The following ATIC variants were observed in gnomAD, a reference collection of about 807,000 sequenced individuals.
ATIC encodes the protein bifunctional purine biosynthesis protein ATIC.
A neutral mutation model predicts 72.5 loss-of-function variants in ATIC; 64 were observed. The observed-to-expected ratio is 0.88, with a 90% CI of 0.72 to 1.09. The LOEUF (loss-of-function observed/expected upper bound fraction) is 1.09, where lower values mean the gene tolerates loss of function less well. Ranked by LOEUF, ATIC falls within the 50% of genes least tolerant of loss-of-function variation. ATIC has a pLI of 0.00. For missense variants in ATIC, 787 were observed against 732.4 expected, an observed-to-expected ratio of 1.07 and a Z score of -0.86; for synonymous variants, 281 against 267.1, an observed-to-expected ratio of 1.05 and a Z score of -0.51.
chr2:215,333,438 G>C lies in ATIC; in HGVS notation c.903G>C (p.Ala301=), dbSNP rs372300174. ...ATAAAACCCTCACACCCATCTCAGCGGCATATGCAAGAGCAAGAGGTCAGA... is the reference window on the plus strand; with the variant it reads ...ATAAAACCCTCACACCCATCTCAGCCGCATATGCAAGAGCAAGAGGTCAGA... ...DLYKTLTPIS[A]AYARARGADR... The change falls in exon 9 of 16, where the codon GCG becomes GCC. Residue 301 remains alanine (A), a synonymous_variant. Transcript: ENST00000236959. 12 of 1,613,872 alleles carry C rather than the reference G, an allele frequency of 7.4e-6. No homozygotes were observed. The highest frequency in any genetic ancestry group is 1.0e-5 in the Non-Finnish European group (12 of 1,179,976).
intron 4 of ATIC, among the ~76,000 whole-genome samples, chr2:215,321,295 T>C (rs182026608): frequency 3.3e-5 from 5 of 152,334 alleles, no homozygotes; most frequent in African/African-American, 9.6e-5. Flanking sequence ...ATCCATGTTA[T>C]AGCATAGTAT....
intron 11 of ATIC, among the ~76,000 whole-genome samples, chr2:215,337,288 T>C (rs2052966813): frequency 6.6e-6 from 1 of 152,214 alleles, no homozygotes; most frequent in Non-Finnish European, 1.5e-5. Context: ...TTCTTTTGAT[T>C]GTAAGATACC....
downstream of ATIC, chr2:215,349,840 A>C (rs1432698700): frequency 9.2e-7 from 1 of 1,090,384 alleles, no homozygotes; most frequent in East Asian, 2.6e-5. Context: ...ATAACACATA[A>C]ATGAGGAATT....
At position 215,338,793 on chromosome 2, in the gene ATIC, C is replaced by G. The variant is rs758947431; in HGVS notation, c.1113C>G (p.Tyr371Ter). ...NYCVLQMDQS[Y>*]KPDENEVRTL... is the part of the protein sequence containing the mutation. ...TTGTATTTTAGATGGACCAATCTTACAAACCAGATGAAAATGAAGTTCGAA... is the reference window on the plus strand; with the variant it reads ...TTGTATTTTAGATGGACCAATCTTAGAAACCAGATGAAAATGAAGTTCGAA... The change falls in exon 12 of 16, where the codon TAC (tyrosine) becomes TAG (stop). Residue 371 changes from tyrosine to a stop codon, truncating the protein, a stop_gained. Coordinates refer to ENST00000236959, the MANE Select transcript of ATIC (RefSeq NM_004044.7). LOFTEE classifies it high-confidence loss of function. The G allele has an allele frequency of 1.2e-6, 2 of 1,613,606 alleles. No homozygotes were observed. The highest frequency in any genetic ancestry group is 1.1e-5 in the South Asian group (1 of 91,056).
At chr2:215,365,870 A>G in the ATIC span, 90 of 205,156 alleles carry the variant, frequency 4.4e-4, 1 homozygote, top group African/African-American at 2.1e-3. Context: ...AAGTGGTGCA[A>G]TCTCGGCTCA....
intron 4 of ATIC, among the ~76,000 whole-genome samples, chr2:215,324,469 G>C (rs986288598): frequency 1.3e-5 from 2 of 152,168 alleles, no homozygotes; most frequent in African/African-American, 2.4e-5. Flanking sequence ...AGAGATACTG[G>C]TCTCTAGTTT....
At chr2:215,365,731 G>T in the ATIC span, 1 of 1,066,354 alleles carries the variant, frequency 9.4e-7, no homozygotes, top group Non-Finnish European at 1.4e-6. Context: ...TCAGAACCAT[G>T]ATCTGGAAAA....
chr2:215,361,811 C>G, the ATIC span: 31 of 611,820 alleles, frequency 5.1e-5, no homozygotes, highest in Admixed American at 1.8e-3. Context: ...TAAATTATAA[C>G]TTAAACTATA....
At chr2:215,322,642 T>C (rs970296597) in intron 4 of ATIC, among the ~76,000 whole-genome samples, 2 of 152,152 alleles carry the variant, frequency 1.3e-5, no homozygotes, top group African/African-American at 4.8e-5. Context: ...TGTGTACATT[T>C]CTTTTAAGAG....
At position 215,326,941 on chromosome 2, in the gene ATIC, C is replaced by T. The variant is rs1186495697; in HGVS notation, c.651C>T (p.Ala217=). The change falls in exon 7 of 16, where the codon GCC becomes GCT. Residue 217 remains alanine (A), a synonymous_variant. Transcript: ENST00000236959. ...RYGMNPHQTP[A]QLYTLQPKLP... is the part of the protein sequence containing the mutation. ...GAATGAACCCACATCAGACCCCTGC[C>T]CAGCTGTACACACTGCAGCCCAAGC... 6.2e-7 allele frequency: 1 copy of T among 1,614,018 alleles called. No individual in the cohort carries two copies. Among genetic ancestry groups the T allele is most frequent in the Non-Finnish European group, 8.5e-7 (1 of 1,180,044 alleles).
intron 7 of ATIC, among the ~76,000 whole-genome samples, chr2:215,328,460 G>C (rs983897776): frequency 2.4e-4 from 36 of 151,822 alleles, no homozygotes; most frequent in Admixed American, 2.4e-3. Flanking sequence ...TAGCCCCTCC[G>C]CCCTGTGCCT....
At chr2:215,349,825 G>GACACATA, downstream of ATIC, 1 of 1,194,536 alleles carries the variant, frequency 8.4e-7, no homozygotes, top group Non-Finnish European at 1.2e-6. Flanking sequence ...ACTGACACAT[G>GACACATA]ACACATAACA....
intron 8 of ATIC, 118 bp downstream of exon 8, chr2:215,332,625 A>G: frequency 7.7e-7 from 1 of 1,296,142 alleles, no homozygotes; most frequent in Non-Finnish European, 1.1e-6. Context: ...TCTGAAAGTC[A>G]TCTGTTGATA....
chr2:215,336,837 C>G (rs2052960162), intron 11 of ATIC, among the ~76,000 whole-genome samples: 1 of 152,102 alleles, frequency 6.6e-6, no homozygotes, highest in Non-Finnish European at 1.5e-5. Flanking sequence ...TGATACTGCC[C>G]CTTTTAGATG....
At chr2:215,328,419 C>G (rs892913955) in intron 7 of ATIC, among the ~76,000 whole-genome samples, 4 of 152,098 alleles carry the variant, frequency 2.6e-5, no homozygotes, top group Admixed American at 1.3e-4. Flanking sequence ...CTCCTATCTG[C>G]CCCCTCAGCA....
chr2:215,327,424 AT>A (rs1406972333), intron 7 of ATIC, among the ~76,000 whole-genome samples: 7 of 152,256 alleles, frequency 4.6e-5, no homozygotes, highest in Non-Finnish European at 7.3e-5. Flanking sequence ...TTGCCTTGGA[AT>A]ATTGGATCTA....
intron 11 of ATIC, among the ~76,000 whole-genome samples, chr2:215,338,454 A>T (rs1222195687): frequency 6.6e-6 from 1 of 152,172 alleles, no homozygotes; most frequent in Non-Finnish European, 1.5e-5. Flanking sequence ...CCAAAAATAC[A>T]CTCACTGGAA....
chr2:215,333,532 T>G, intron 9 of ATIC, 75 bp downstream of exon 9: 1 of 1,173,292 alleles, frequency 8.5e-7, no homozygotes, highest in Non-Finnish European at 1.2e-6. Context: ...ATAAAGAGGA[T>G]AGAATAAAGA....
At chr2:215,365,424 T>C in the ATIC span, 1 of 1,460,940 alleles carries the variant, frequency 6.8e-7, no homozygotes, top group Non-Finnish European at 9.6e-7. Context: ...TCTCCAATCA[T>C]TTCTGTGAAT....
Sources: gnomAD v4.1 joint callset for allele counts (sites outside exome capture counted in the v4.1 genomes callset) on GRCh38, gnomAD v4.1.1 for gene constraint, MANE v1.5 for transcripts, NCBI Gene and HGNC (gene_info 2026-07-23, HGNC 2026-07-21) for gene names.